Variants in CCDC85C observed in about 807,000 individuals in gnomAD.
CCDC85C encodes coiled-coil domain containing 85C.
In CCDC85C, 18 loss-of-function variants were observed where a neutral mutation model predicts 38.3. The observed-to-expected ratio is 0.47, with a 90% CI of 0.33 to 0.70. The LOEUF (loss-of-function observed/expected upper bound fraction) is 0.70. CCDC85C is among the 30% of genes least tolerant of loss of function. CCDC85C has a pLI of 0.03. For missense variants in CCDC85C, 566 were observed against 621.2 expected (o/e 0.91, Z 0.94); for synonymous variants, 264 against 293.8 (o/e 0.90, Z 1.04).
intron 2 of CCDC85C, among the ~76,000 whole-genome samples, chr14:99,531,591 G>A (rs1316044951): frequency 8.1e-6 from 1 of 124,158 alleles, no homozygotes; most frequent in Non-Finnish European, 1.7e-5. Flanking sequence ...GGTGGGGGGG[G>A]GGGTGGGACC....
intron 1 of CCDC85C, among the ~76,000 whole-genome samples, chr14:99,562,953 A>G (rs1317823835): frequency 6.6e-6 from 1 of 152,176 alleles, no homozygotes; most frequent in Non-Finnish European, 1.5e-5. Context: ...CGGAAAGAGT[A>G]TTGAGCTGGG....
chr14:99,517,176 G>A lies in CCDC85C; in HGVS notation c.983C>T (p.Ala328Val), dbSNP rs757959718. 1.9e-6 allele frequency: 3 copies of A among 1,544,578 alleles called. No individual in the cohort carries two copies. The highest frequency in any genetic ancestry group is 8.7e-7 in the Non-Finnish European group (1 of 1,143,860). Residue 328 changes from alanine to valine, a missense_variant, in exon 4 of 6, where the codon GCC (alanine) becomes GTC (valine). Around this residue, in one of 3 missense-constraint regions of CCDC85C, gnomAD observed 286 missense variants for 276.4 expected, o/e 1.03. Transcript: ENST00000380243. ...CGAGGGCAGCTCAGGTGCGGGGCAG[G>A]CCGGGCCCTGGGGAAGGCAATCACA... Reference protein sequence around the residue: ...SYQDSLQNGPACPAPELPSPP... With the variant: ...SYQDSLQNGPVCPAPELPSPP...
In CCDC85C at chr14:99,511,523, C is replaced by CTTTGT. The variant is rs1448652358; in HGVS notation, c.*3718_*3722dup. ...AAAGCAGTTCTGAAACTATCCCTTT[C>CTTTGT]TTTGTTATGGGTGGAAGGTGGGGCT... On this transcript the variant is annotated 3_prime_UTR_variant, in exon 6 of 6. Transcript: ENST00000380243. The CTTTGT allele has an allele frequency of 2.0e-5, 3 of 152,560 alleles. No individual in the cohort carries two copies. Among genetic ancestry groups the CTTTGT allele is most frequent in the African/African-American group, 7.2e-5 (3 of 41,452 alleles). 9.5% of individuals were successfully genotyped at this position (152,560 alleles called of 1,614,324 possible).
chr14:99,560,263 G>A (rs1235859075), intron 1 of CCDC85C, among the ~76,000 whole-genome samples: 1 of 152,224 alleles, frequency 6.6e-6, no homozygotes, highest in East Asian at 1.9e-4. Flanking sequence ...CACCAACGCT[G>A]CAGCCAGGGC....
rs1180312267 is a variant in CCDC85C, at chr14:99,516,445, G to A, written c.1072-159C>T. ...CAAGCGTGGAAAAAACTGAGGGGCA[G>A]GTTGTCATCTCACCCTGCTGACACT... is the stretch of plus-strand genomic sequence containing the variant. On this transcript the variant is annotated intron_variant, in intron 4 of 5. Coordinates refer to ENST00000380243, the MANE Select transcript of CCDC85C (RefSeq NM_001144995.2). The surrounding 1 kb of genome is among the most constrained non-coding windows in gnomAD (Gnocchi z 5.5). Among the ~76,000 whole-genome samples, 2 of 152,164 alleles carry A rather than the reference G, an allele frequency of 1.3e-5. No individual in the cohort carries two copies. Among genetic ancestry groups the A allele is most frequent in the Non-Finnish European group, 1.5e-5 (1 of 68,030 alleles).
Position 99,517,112 on chromosome 14 carries a change from G to A in CCDC85C, c.1047C>T (p.Pro349=), listed in dbSNP as rs1378160593. The change falls in exon 4 of 6, where the codon CCC becomes CCT. Residue 349 remains proline (P), a synonymous_variant. Transcript: ENST00000380243. ...SAGYSPAGQK[P]EAVVHAMKVL... is the part of the protein sequence containing the mutation. ...CCTTCATGGCATGCACGACAGCCTC[G>A]GGCTTCTGTCCTGCAGGGCTGTAGC... 12 of 1,550,360 alleles carry A rather than the reference G, an allele frequency of 7.7e-6. No homozygotes were observed. Among genetic ancestry groups the A allele is most frequent in the South Asian group, 3.6e-5 (3 of 84,068 alleles).
chr14:99,590,606 C>T (rs1448940919), intron 1 of CCDC85C, among the ~76,000 whole-genome samples: 1 of 152,022 alleles, frequency 6.6e-6, no homozygotes, highest in Non-Finnish European at 1.5e-5. Context: ...GGTCTAGTGG[C>T]TTAAAAAAAG....
At chr14:99,564,636 G>C (rs4900434) in intron 1 of CCDC85C, among the ~76,000 whole-genome samples, 70,254 of 152,134 alleles carry the variant, frequency 0.46, 16,514 homozygotes, top group Middle Eastern at 0.52. Context: ...GTGCATCCCC[G>C]AGGGCCTGTC....
intron 1 of CCDC85C, among the ~76,000 whole-genome samples, chr14:99,542,440 C>T (rs576842729): frequency 6.6e-6 from 1 of 152,302 alleles, no homozygotes; most frequent in South Asian, 2.1e-4. Context: ...ATTCATCTAC[C>T]GAACAGCAAT....
chr14:99,513,641 A>C lies in CCDC85C; in HGVS notation c.*1605T>G, dbSNP rs1358766119. ...CGGCCATCTCCCTCCTCTTGCCTGC[A>C]TCCCCAGCCCTGGGCCTGCATGAGA... On this transcript the variant is annotated 3_prime_UTR_variant, in exon 6 of 6. Coordinates refer to ENST00000380243, the MANE Select transcript of CCDC85C (RefSeq NM_001144995.2). 3.3e-5 allele frequency: 5 copies of C among 152,350 alleles called. No individual in the cohort carries two copies. Among genetic ancestry groups the C allele is most frequent in the African/African-American group, 4.8e-5 (2 of 41,458 alleles). The allele number at this position is 152,350 out of a possible 1,614,324, so 9.4% of individuals were successfully genotyped here. A position where few individuals can be genotyped will look rare whatever the true frequency, so the allele number is the denominator to read the frequency against.
chr14:99,524,019 C>T (rs1897338590), intron 2 of CCDC85C, among the ~76,000 whole-genome samples: 1 of 129,414 alleles, frequency 7.7e-6, no homozygotes, highest in Admixed American at 7.8e-5. Flanking sequence ...AGTGACACCC[C>T]TCCCCCCACC....
At chr14:99,563,058 C>T (rs568817368) in intron 1 of CCDC85C, among the ~76,000 whole-genome samples, 2 of 152,344 alleles carry the variant, frequency 1.3e-5, no homozygotes, top group African/African-American at 4.8e-5. Context: ...GTACATAAAA[C>T]GGCCTTTGCA....
At chr14:99,541,572 G>C (rs115089885) in intron 1 of CCDC85C, among the ~76,000 whole-genome samples, 1,613 of 152,286 alleles carry the variant, frequency 0.011, 30 homozygotes, top group African/African-American at 0.036. Flanking sequence ...CCAATGGAAG[G>C]GGTGTCCACT....
chr14:99,573,252 T>C (rs1387223591), intron 1 of CCDC85C, among the ~76,000 whole-genome samples: 1 of 152,152 alleles, frequency 6.6e-6, no homozygotes, highest in African/African-American at 2.4e-5. Flanking sequence ...TGCAGGGGAT[T>C]GAGCCATGGG....
chr14:99,522,170 G>A lies in CCDC85C; in HGVS notation c.938C>T (p.Ala313Val), dbSNP rs905488578. The A allele has an allele frequency of 2.6e-6, 4 of 1,550,950 alleles. No individual in the cohort carries two copies. Among genetic ancestry groups the A allele is most frequent in the African/African-American group, 2.7e-5 (2 of 73,072 alleles). Residue 313 changes from alanine to valine, a missense_variant, in exon 3 of 6, where the codon GCG (alanine) becomes GTG (valine). This residue lies in a region of CCDC85C where 286 missense variants were observed against 276.4 expected (regional missense o/e 1.03). Coordinates refer to ENST00000380243, the MANE Select transcript of CCDC85C (RefSeq NM_001144995.2). Reference sequence around the variant, plus strand: ...GTCCTGGTAGGAGGGCGGCAGGGACGCAAGCTGGGACTCCGAGTGGTAGGG... The same window carrying A: ...GTCCTGGTAGGAGGGCGGCAGGGACACAAGCTGGGACTCCGAGTGGTAGGG... Reference protein sequence around the residue: ...FSPYHSESQLASLPPSYQDSL... With the variant: ...FSPYHSESQLVSLPPSYQDSL...
intron 1 of CCDC85C, among the ~76,000 whole-genome samples, chr14:99,596,966 C>T (rs773719071): frequency 1.8e-4 from 27 of 152,188 alleles, no homozygotes; most frequent in Non-Finnish European, 3.5e-4. Context: ...GAGCTCAGGA[C>T]GCCTGCCCTA....
chr14:99,603,094 C>T lies in CCDC85C; in HGVS notation c.793+73G>A. 2.3e-6 allele frequency: 3 copies of T among 1,277,142 alleles called. No individual in the cohort carries two copies. Among genetic ancestry groups the T allele is most frequent in the Non-Finnish European group, 3.0e-6 (3 of 1,011,300 alleles). 79.1% of individuals were successfully genotyped at this position (1,277,142 alleles called of 1,614,324 possible). On this transcript the variant is annotated intron_variant, in intron 1 of 5. Coordinates refer to ENST00000380243, the MANE Select transcript of CCDC85C (RefSeq NM_001144995.2). This position sits in a 1 kb window ranked among gnomAD's most constrained non-coding sequence, Gnocchi z 7.5. ...CATGAGTGGGACAGCCAGGGACCACCTCCTCTCGCCGCAGCCTGGGAAAAG... is the reference window on the plus strand; with the variant it reads ...CATGAGTGGGACAGCCAGGGACCACTTCCTCTCGCCGCAGCCTGGGAAAAG...
intron 1 of CCDC85C, among the ~76,000 whole-genome samples, chr14:99,546,924 T>C (rs1897818646): frequency 6.6e-6 from 1 of 152,136 alleles, no homozygotes; most frequent in South Asian, 2.1e-4. Context: ...ATCCCAGCAC[T>C]TTGGGAGGCC....
chr14:99,542,748 C>T (rs112123734), intron 1 of CCDC85C, among the ~76,000 whole-genome samples: 2,894 of 152,368 alleles, frequency 0.019, 98 homozygotes, highest in African/African-American at 0.067. Context: ...GCCGCTGCTT[C>T]ATCCCGAGGT....
Sources: gnomAD v4.1 joint callset for allele counts (sites outside exome capture counted in the v4.1 genomes callset) on GRCh38, gnomAD v4.1.1 for gene constraint, gnomAD v4.1.1 regional missense constraint, Gnocchi (gnomAD v3.1) non-coding constraint, MANE v1.5 for transcripts, NCBI Gene and HGNC (gene_info 2026-07-23, HGNC 2026-07-21) for gene names.